Variants in CSNK1G1 observed in about 807,000 individuals in gnomAD.
CSNK1G1 encodes the protein casein kinase I isoform gamma-1.
CSNK1G1 carries 22 observed loss-of-function variants against 59.6 expected under a neutral mutation model. That is an observed-to-expected ratio of 0.37 (90% CI 0.26 to 0.53). The LOEUF (loss-of-function observed/expected upper bound fraction) is 0.53. Ranked by LOEUF, CSNK1G1 falls within the 20% of genes least tolerant of loss-of-function variation. The pLI is 0.89. For synonymous variants in CSNK1G1, 179 were observed against 177.1 expected (o/e 1.01, Z -0.08); for missense variants, 384 against 519.5 (o/e 0.74, Z 2.54).
chr15:64,297,067 T>A (rs1895065780), intron 2 of CSNK1G1, among the ~76,000 whole-genome samples: 1 of 151,654 alleles, frequency 6.6e-6, no homozygotes, highest in Non-Finnish European at 1.5e-5. Context: ...CATCAGCTTT[T>A]TATCCTTCCA....
chr15:64,202,115 T>C (rs2082116779), intron 10 of CSNK1G1, among the ~76,000 whole-genome samples: 1 of 152,158 alleles, frequency 6.6e-6, no homozygotes, highest in Non-Finnish European at 1.5e-5. Flanking sequence ...ACCACTAGTT[T>C]TCCAAACAAC....
intron 4 of CSNK1G1, among the ~76,000 whole-genome samples, chr15:64,222,363 C>A (rs1306032198): frequency 6.7e-6 from 1 of 149,160 alleles, no homozygotes; most frequent in Non-Finnish European, 1.5e-5. Flanking sequence ...ACGTAACAAA[C>A]CTGCACATTC....
intron 1 of CSNK1G1, among the ~76,000 whole-genome samples, chr15:64,332,432 C>T (rs918469137): frequency 1.6e-4 from 21 of 133,914 alleles, no homozygotes; most frequent in Non-Finnish European, 3.2e-4. Flanking sequence ...GAACAAAAAA[C>T]CAAACACCGC....
Position 64,168,731 on chromosome 15 carries a change from A to G in CSNK1G1, c.*3200T>C, listed in dbSNP as rs2081630542. Reference sequence around the variant, plus strand: ...CTAACCCCAAGGATCTGGCTGAGGCATACAGCTAAGGAACTGTAGCAGTAG... The same window carrying G: ...CTAACCCCAAGGATCTGGCTGAGGCGTACAGCTAAGGAACTGTAGCAGTAG... On this transcript the variant is annotated 3_prime_UTR_variant, in exon 12 of 12. Coordinates refer to ENST00000303052, the MANE Select transcript of CSNK1G1 (RefSeq NM_022048.5). 6.6e-6 allele frequency: 1 copy of G among 152,230 alleles called. No homozygotes were observed. Among genetic ancestry groups the G allele is most frequent in the African/African-American group, 2.4e-5 (1 of 41,450 alleles). The allele number at this position is 152,230 out of a possible 1,614,324, so 9.4% of individuals were successfully genotyped here.
chr15:64,266,989 G>C (rs1893019572), intron 2 of CSNK1G1, among the ~76,000 whole-genome samples: 1 of 152,144 alleles, frequency 6.6e-6, no homozygotes, highest in African/African-American at 2.4e-5. Context: ...AGCAAAGCAG[G>C]CTCATGCCTC....
At chr15:64,238,007 A>G (rs2140300409) in intron 4 of CSNK1G1, among the ~76,000 whole-genome samples, 1 of 152,306 alleles carries the variant, frequency 6.6e-6, no homozygotes, top group Admixed American at 6.5e-5. Flanking sequence ...TGATTGATTT[A>G]CTGTGGGAAA....
intron 1 of CSNK1G1, among the ~76,000 whole-genome samples, chr15:64,332,715 A>G (rs1265911548): frequency 1.3e-5 from 2 of 150,830 alleles, no homozygotes; most frequent in South Asian, 4.2e-4. Flanking sequence ...CCAAATCACA[A>G]AACAATTTAA....
At chr15:64,286,761 T>C (rs1448780392) in intron 2 of CSNK1G1, among the ~76,000 whole-genome samples, 1 of 152,154 alleles carries the variant, frequency 6.6e-6, no homozygotes, top group Admixed American at 6.5e-5. Context: ...GGCATAGTGT[T>C]TATAACATCC....
intron 1 of CSNK1G1, among the ~76,000 whole-genome samples, chr15:64,342,933 T>C (rs1352672680): frequency 6.6e-6 from 1 of 152,154 alleles, no homozygotes; most frequent in Non-Finnish European, 1.5e-5. Context: ...AAAATCTGCA[T>C]TTATAATAAA....
intron 3 of CSNK1G1, among the ~76,000 whole-genome samples, chr15:64,258,107 G>T (rs561096685): frequency 6.6e-6 from 1 of 152,214 alleles, no homozygotes; most frequent in East Asian, 1.9e-4. Context: ...TGTGGATGTG[G>T]TAAGTGCAAT....
chr15:64,181,145 A>G (rs1289453630), intron 10 of CSNK1G1: 5 of 1,476,336 alleles, frequency 3.4e-6, no homozygotes, highest in Non-Finnish European at 4.5e-6. Context: ...ACAAGAGGGA[A>G]GATGGTAAAA....
intron 10 of CSNK1G1, among the ~76,000 whole-genome samples, chr15:64,189,953 G>A (rs1401333676): frequency 1.3e-5 from 2 of 151,902 alleles, no homozygotes; most frequent in Non-Finnish European, 2.9e-5. Flanking sequence ...TGAGTAGTTG[G>A]GACTACAGGC....
chr15:64,264,041 C>T (rs1032357163), intron 2 of CSNK1G1, among the ~76,000 whole-genome samples: 10 of 151,966 alleles, frequency 6.6e-5, no homozygotes, highest in Admixed American at 3.3e-4. Context: ...GTAAGAGATG[C>T]TAAAGTGAAC....
At chr15:64,321,450 AC>A (rs1285477381) in intron 1 of CSNK1G1, among the ~76,000 whole-genome samples, 3 of 151,828 alleles carry the variant, frequency 2.0e-5, no homozygotes. Flanking sequence ...GGGGGAAGAG[AC>A]TAGGTTGTGC....
At chr15:64,194,306 A>G (rs1269209646) in intron 10 of CSNK1G1, 2 of 151,002 alleles carry the variant, frequency 1.3e-5, no homozygotes, top group African/African-American at 2.4e-5. Context: ...ACTAAACAGT[A>G]CTCTGTAAAA....
chr15:64,190,263 A>T (rs1024845721), intron 10 of CSNK1G1, among the ~76,000 whole-genome samples: 6 of 152,194 alleles, frequency 3.9e-5, no homozygotes, highest in Admixed American at 2.0e-4. Flanking sequence ...CTATTACCTT[A>T]TAAATGAGGG....
intron 1 of CSNK1G1, among the ~76,000 whole-genome samples, chr15:64,311,649 G>A (rs1896000111): frequency 1.5e-5 from 2 of 129,988 alleles, no homozygotes; most frequent in Admixed American, 8.3e-5. Flanking sequence ...GGACAACATA[G>A]TGAGAGCCAG....
chr15:64,323,831 C>A (rs1160500691), intron 1 of CSNK1G1, among the ~76,000 whole-genome samples: 2 of 152,242 alleles, frequency 1.3e-5, no homozygotes, highest in African/African-American at 4.8e-5. Context: ...TAAAACAAAG[C>A]CTCTCTTTTC....
chr15:64,189,948 A>T (rs1297451541), intron 10 of CSNK1G1, among the ~76,000 whole-genome samples: 1 of 150,840 alleles, frequency 6.6e-6, no homozygotes, highest in Non-Finnish European at 1.5e-5. Flanking sequence ...CCTCCTGAGT[A>T]GTTGGGACTA....
Sources: gnomAD v4.1 joint callset for allele counts (sites outside exome capture counted in the v4.1 genomes callset) on GRCh38, gnomAD v4.1.1 for gene constraint, MANE v1.5 for transcripts, NCBI Gene and HGNC (gene_info 2026-07-23, HGNC 2026-07-21) for gene names.